Variants in TAF4B observed in about 807,000 individuals in gnomAD.
TAF4B encodes the protein TATA-box binding protein associated factor 4b, also known as transcription initiation factor TFIID subunit 4B.
Under a neutral mutation model 86.4 loss-of-function variants are expected in TAF4B, and 38 were observed. The ratio of observed to expected loss-of-function variants is 0.44; its 90% CI spans 0.34 to 0.58. The LOEUF is 0.58. TAF4B is among the 20% of genes least tolerant of loss of function. The pLI is 0.02. For synonymous variants in TAF4B, 388 were observed against 391.2 expected (o/e 0.99, Z 0.10); for missense variants, 988 against 1,027.6 (o/e 0.96, Z 0.53).
At chr18:26,260,805 G>C (rs958266122) in intron 1 of TAF4B, among the ~76,000 whole-genome samples, 1 of 152,124 alleles carries the variant, frequency 6.6e-6, no homozygotes, top group Non-Finnish European at 1.5e-5. Context: ...TCTATCTCTA[G>C]TGATATTCTA....
chr18:26,330,900 A>G (rs1299895316), intron 12 of TAF4B, among the ~76,000 whole-genome samples: 1 of 152,178 alleles, frequency 6.6e-6, no homozygotes, highest in African/African-American at 2.4e-5. Flanking sequence ...TCTGTCTGCT[A>G]CTACTAATAT....
At chr18:26,310,299 A>G (rs1432164438) in intron 9 of TAF4B, among the ~76,000 whole-genome samples, 1 of 152,208 alleles carries the variant, frequency 6.6e-6, no homozygotes, top group Non-Finnish European at 1.5e-5. Context: ...TAGGCCTACC[A>G]AATGAGAATC....
intron 13 of TAF4B, among the ~76,000 whole-genome samples, chr18:26,356,232 A>G (rs559300962): frequency 2.0e-5 from 3 of 152,212 alleles, no homozygotes; most frequent in African/African-American, 4.8e-5. Context: ...TAAGGGCACT[A>G]AGTCTCCACC....
chr18:26,240,616 A>G (rs1375316808), intron 1 of TAF4B, among the ~76,000 whole-genome samples: 1 of 152,166 alleles, frequency 6.6e-6, no homozygotes, highest in Non-Finnish European at 1.5e-5. Context: ...AACTTCCAAC[A>G]CTATGTTGAA....
intron 14 of TAF4B, among the ~76,000 whole-genome samples, chr18:26,381,113 C>A (rs1247677004): frequency 6.6e-6 from 1 of 152,040 alleles, no homozygotes; most frequent in African/African-American, 2.4e-5. Context: ...CTCCCAGGTT[C>A]AAGCGATCCT....
chr18:26,271,646 A>G (rs1015827048), intron 3 of TAF4B, among the ~76,000 whole-genome samples: 1 of 152,148 alleles, frequency 6.6e-6, no homozygotes, highest in Non-Finnish European at 1.5e-5. Flanking sequence ...ACTTTGGGCC[A>G]GGCATGGTGA....
At chr18:26,385,398 T>C (rs569819181) in intron 14 of TAF4B, among the ~76,000 whole-genome samples, 1 of 152,262 alleles carries the variant, frequency 6.6e-6, no homozygotes, top group South Asian at 2.1e-4. Context: ...CAAAACAAAT[T>C]AGGTGAGATA....
intron 10 of TAF4B, among the ~76,000 whole-genome samples, chr18:26,319,211 G>T (rs958211036): frequency 6.9e-6 from 1 of 145,574 alleles, no homozygotes; most frequent in East Asian, 2.1e-4. Flanking sequence ...ATAATAATAG[G>T]CCAGGAGCGG....
At chr18:26,385,679 G>A (rs1160789666) in intron 14 of TAF4B, among the ~76,000 whole-genome samples, 2 of 109,786 alleles carry the variant, frequency 1.8e-5, no homozygotes, top group Non-Finnish European at 4.0e-5. Context: ...AATAAACAGC[G>A]TTTTTTTTTT....
intron 14 of TAF4B, among the ~76,000 whole-genome samples, chr18:26,380,423 G>A (rs1046020605): frequency 6.6e-6 from 1 of 152,110 alleles, no homozygotes; most frequent in African/African-American, 2.4e-5. Context: ...TTATTTAGAA[G>A]TATGTTGTTT....
At chr18:26,319,312 T>C (rs1598796300) in intron 10 of TAF4B, among the ~76,000 whole-genome samples, 2 of 151,908 alleles carry the variant, frequency 1.3e-5, no homozygotes, top group African/African-American at 2.4e-5. Context: ...GCCAACATGG[T>C]GAAACGCCAT....
chr18:26,382,267 C>T (rs1978293684), intron 14 of TAF4B, among the ~76,000 whole-genome samples: 1 of 152,114 alleles, frequency 6.6e-6, no homozygotes. Flanking sequence ...GAGGTCTTTG[C>T]AAGTGTCTTA....
At position 26,337,684 on chromosome 18, in the gene TAF4B, A is replaced by G. The variant is rs142988774; in HGVS notation, c.2316+2453A>G. 3.9e-4 allele frequency among the ~76,000 whole-genome samples: 60 copies of G among 152,210 alleles called. No homozygotes were observed. The East Asian group carries it at 0.011, about 29-fold the overall frequency. On this transcript the variant is annotated intron_variant, in intron 13 of 14. Transcript: ENST00000269142. ...GTGATCTACCCGCTTCAGCCTCCCA[A>G]AGTGCTGGAATTACAGGCGTGAGCA...
intron 1 of TAF4B, among the ~76,000 whole-genome samples, chr18:26,244,095 C>G (rs1348536661): frequency 6.6e-6 from 1 of 152,228 alleles, no homozygotes; most frequent in Non-Finnish European, 1.5e-5. Context: ...TCACTACCCT[C>G]TTCAAAGCTG....
chr18:26,389,010 C>T (rs1978545094), intron 14 of TAF4B, among the ~76,000 whole-genome samples: 1 of 152,058 alleles, frequency 6.6e-6, no homozygotes, highest in Non-Finnish European at 1.5e-5. Context: ...CGGGGTTTCA[C>T]CATGTTGGCC....
chr18:26,391,521 G>A lies in TAF4B; in HGVS notation c.*1509G>A, dbSNP rs993911409. On this transcript the variant is annotated 3_prime_UTR_variant, in exon 15 of 15. Coordinates refer to ENST00000269142, the MANE Select transcript of TAF4B (RefSeq NM_005640.3). ...TGCTATAAATTATGTGTATGTTAAA[G>A]GAGTACTTTAAGAAGAGATCTTTAT... 4.6e-5 allele frequency: 7 copies of A among 152,070 alleles called. No individual in the cohort carries two copies. Among genetic ancestry groups the A allele is most frequent in the African/African-American group, 7.2e-5 (3 of 41,420 alleles). 9.4% of individuals were successfully genotyped at this position (152,070 alleles called of 1,614,324 possible). A position where few individuals can be genotyped will look rare whatever the true frequency, so the allele number is the denominator to read the frequency against.
In TAF4B at chr18:26,391,185, A is replaced by G. The variant is rs1978686226; in HGVS notation, c.*1173A>G. On this transcript the variant is annotated 3_prime_UTR_variant, in exon 15 of 15. Coordinates refer to ENST00000269142, the MANE Select transcript of TAF4B (RefSeq NM_005640.3). Reference sequence around the variant, plus strand: ...AGTTATATGTGTTCACCTGAGGAAGAAGCTGACGGACAAAGCAAACCCTCT... The same window carrying G: ...AGTTATATGTGTTCACCTGAGGAAGGAGCTGACGGACAAAGCAAACCCTCT... The G allele has an allele frequency of 6.6e-6, 1 of 151,914 alleles. No individual in the cohort carries two copies. Among genetic ancestry groups the G allele is most frequent in the Non-Finnish European group, 1.5e-5 (1 of 67,962 alleles). 9.4% of individuals were successfully genotyped at this position (151,914 alleles called of 1,614,324 possible).
At chr18:26,372,411 G>T (rs66530517) in intron 14 of TAF4B, among the ~76,000 whole-genome samples, 31,825 of 152,072 alleles carry the variant, frequency 0.21, 4,196 homozygotes, top group Non-Finnish European at 0.3. Flanking sequence ...TGTTGCTGGA[G>T]CAAATCTATA....
intron 1 of TAF4B, among the ~76,000 whole-genome samples, chr18:26,263,050 A>G (rs2056192525): frequency 6.6e-6 from 1 of 152,192 alleles, no homozygotes; most frequent in African/African-American, 2.4e-5. Flanking sequence ...TTTTGGGCTC[A>G]AGTGAGCCTC....
Sources: gnomAD v4.1 joint callset for allele counts (sites outside exome capture counted in the v4.1 genomes callset) on GRCh38, gnomAD v4.1.1 for gene constraint, MANE v1.5 for transcripts, NCBI Gene and HGNC (gene_info 2026-07-23, HGNC 2026-07-21) for gene names.